The following BLK variants were observed in gnomAD, a reference collection of about 807,000 sequenced individuals.
BLK encodes tyrosine-protein kinase Blk.
Under a neutral mutation model 61.8 loss-of-function variants are expected in BLK, and 64 were observed. The ratio of observed to expected loss-of-function variants is 1.03; its 90% CI spans 0.85 to 1.27. BLK has a LOEUF of 1.27. Ranked by LOEUF, BLK falls within the 50% of genes most tolerant of loss-of-function variation. BLK has a pLI of 0.00. For missense variants in BLK, 853 were observed against 660.5 expected, an observed-to-expected ratio of 1.29 and a Z score of -3.19; for synonymous variants, 351 against 272.0, an observed-to-expected ratio of 1.29 and a Z score of -2.86.
At chr8:11,559,506 AACTC>A (rs367825395) in intron 10 of BLK, among the ~76,000 whole-genome samples, 4 of 121,008 alleles carry the variant, frequency 3.3e-5, no homozygotes, top group Non-Finnish European at 7.9e-5. Context: ...CAAACTCACA[AACTC>A]ACACACACAA....
chr8:11,532,268 G>A (rs944529916), intron 1 of BLK, among the ~76,000 whole-genome samples: 1 of 151,422 alleles, frequency 6.6e-6, no homozygotes, highest in Non-Finnish European at 1.5e-5. Context: ...GTGTGATCTT[G>A]GCTCAAAGCA....
Position 11,543,318 on chromosome 8 carries a change from G to T in BLK, c.94G>T (p.Asp32Tyr). The change falls in exon 2 of 13, where the codon GAC becomes TAC. Residue 32 changes from aspartate (D) to tyrosine (Y), a missense_variant. Physicochemically the swap from Asp to Tyr is radical, Grantham distance 160 (BLOSUM62 -3). Coordinates refer to ENST00000259089, the MANE Select transcript of BLK (RefSeq NM_001715.3). ...QWSPLKVSAQ[D>Y]KDAPPLPPLV... ...GAGCCCCCTGAAGGTCAGCGCCCAA[G>T]ACAAGGACGCCCCGCCACTGCCGCC... 6.2e-7 allele frequency: 1 copy of T among 1,613,160 alleles called. No homozygotes were observed. Among genetic ancestry groups the T allele is most frequent in the Non-Finnish European group, 8.5e-7 (1 of 1,179,994 alleles).
At chr8:11,544,452 A>C (rs1298764614) in intron 2 of BLK, among the ~76,000 whole-genome samples, 1 of 152,124 alleles carries the variant, frequency 6.6e-6, no homozygotes, top group Non-Finnish European at 1.5e-5. Context: ...CCCACTTCCT[A>C]GATGAACCCA....
chr8:11,535,211 GAA>G lies in BLK; in HGVS notation c.-1-8011_-1-8010del, dbSNP rs1289527700. 6.2e-4 allele frequency among the ~76,000 whole-genome samples: 68 copies of G among 109,448 alleles called. 2 individuals carry two copies. The highest frequency in any genetic ancestry group is 5.3e-4 in the Admixed American group (6 of 11,264). 71.8% of individuals were successfully genotyped at this position (109,448 alleles called of 152,430 possible). On this transcript the variant is annotated intron_variant, in intron 1 of 12. Coordinates refer to ENST00000259089, the MANE Select transcript of BLK (RefSeq NM_001715.3). ...AGAAAGAAAGAAGGAAAGAAAGAAA[GAA>G]AGAGAGAGAAAGAAAGAAAAAGAAA...
intron 1 of BLK, among the ~76,000 whole-genome samples, chr8:11,501,760 C>T (rs1798569890): frequency 6.6e-6 from 1 of 152,198 alleles, no homozygotes; most frequent in South Asian, 2.1e-4. Context: ...GGTGTTGGCA[C>T]AAACACTGAA....
chr8:11,520,103 A>G (rs1464753745), intron 1 of BLK, among the ~76,000 whole-genome samples: 2 of 152,230 alleles, frequency 1.3e-5, no homozygotes, highest in African/African-American at 4.8e-5. Context: ...ATACTTCTAT[A>G]AAACAAGCTA....
At chr8:11,528,532 A>G (rs1183120562) in intron 1 of BLK, among the ~76,000 whole-genome samples, 2 of 151,958 alleles carry the variant, frequency 1.3e-5, no homozygotes, top group Admixed American at 6.6e-5. Context: ...GCACCCCTCA[A>G]TCCTGAGGTG....
chr8:11,532,301 C>T (rs552107139), intron 1 of BLK, among the ~76,000 whole-genome samples: 7 of 151,480 alleles, frequency 4.6e-5, no homozygotes, highest in Non-Finnish European at 7.4e-5. Context: ...CAGGCTCAAG[C>T]AATTCTCCTG....
intron 1 of BLK, among the ~76,000 whole-genome samples, chr8:11,534,956 T>C (rs1179145332): frequency 2.0e-5 from 3 of 152,152 alleles, no homozygotes; most frequent in African/African-American, 7.2e-5. Flanking sequence ...GGAGGATTGC[T>C]TGAGTCCAGG....
intron 1 of BLK, chr8:11,509,050 T>C (rs1798892286): frequency 6.6e-6 from 1 of 152,222 alleles, no homozygotes; most frequent in African/African-American, 2.4e-5. Context: ...GGCACTGCTA[T>C]TACTTAGGAG....
At chr8:11,529,564 A>G (rs1021003552) in intron 1 of BLK, among the ~76,000 whole-genome samples, 1 of 152,198 alleles carries the variant, frequency 6.6e-6, no homozygotes, top group Non-Finnish European at 1.5e-5. Context: ...GGAGATCAGA[A>G]TCTTGTAGCC....
At chr8:11,553,754 C>T (rs1211227142) in intron 6 of BLK, among the ~76,000 whole-genome samples, 1 of 152,114 alleles carries the variant, frequency 6.6e-6, no homozygotes, top group Non-Finnish European at 1.5e-5. Context: ...ATGGCGTACG[C>T]CTCTGGGTGT....
rs954818860 is a variant in BLK at position 11,550,178 on chromosome 8, G to T, written c.388G>T (p.Gly130Cys). The T allele has an allele frequency of 1.9e-6, 3 of 1,614,156 alleles. No individual in the cohort carries two copies. Among genetic ancestry groups the T allele is most frequent in the East Asian group, 4.5e-5 (2 of 44,888 alleles). ...EMERWFFRSQ[G>C]RKEAERQLLA... is the part of the protein sequence containing the mutation. ...TTCCAGGTGGTTCTTTAGATCACAGGGTCGGAAGGAGGCTGAGAGGCAGCT... is the reference window on the plus strand; with the variant it reads ...TTCCAGGTGGTTCTTTAGATCACAGTGTCGGAAGGAGGCTGAGAGGCAGCT... Residue 130 changes from glycine (G) to cysteine (C), a missense_variant, in exon 6 of 13, where the codon GGT becomes TGT. Gly to Cys is a radical substitution (Grantham distance 159, BLOSUM62 -3). Coordinates refer to ENST00000259089, the MANE Select transcript of BLK (RefSeq NM_001715.3).
At chr8:11,516,910 C>T (rs1799252118) in intron 1 of BLK, among the ~76,000 whole-genome samples, 1 of 152,190 alleles carries the variant, frequency 6.6e-6, no homozygotes, top group Non-Finnish European at 1.5e-5. Flanking sequence ...TGCTCAAGTC[C>T]CTGCTTTCTG....
chr8:11,563,092 G>A lies in BLK; in HGVS notation c.1294G>A (p.Gly432Arg), dbSNP rs187992701. 5.6e-6 allele frequency: 9 copies of A among 1,613,948 alleles called. No homozygotes were observed. The highest frequency in any genetic ancestry group is 5.0e-5 in the Admixed American group (3 of 60,026). ...CCTCCTGATGGAAGTTGTCACTTATGGGCGGGTGCCATACCCAGGTAGGTG... is the reference window on the plus strand; with the variant it reads ...CCTCCTGATGGAAGTTGTCACTTATAGGCGGGTGCCATACCCAGGTAGGTG... ...GVLLMEVVTY[G>R]RVPYPGMSNP... is the part of the protein sequence containing the mutation. Residue 432 changes from glycine (G) to arginine (R), a missense_variant, in exon 12 of 13, where the codon GGG (glycine) becomes AGG (arginine). Gly to Arg is a moderately radical substitution (Grantham distance 125, BLOSUM62 -2). Coordinates refer to ENST00000259089, the MANE Select transcript of BLK (RefSeq NM_001715.3).
chr8:11,538,598 A>G (rs1585380178), intron 1 of BLK, among the ~76,000 whole-genome samples: 1 of 152,378 alleles, frequency 6.6e-6, no homozygotes, highest in East Asian at 1.9e-4. Context: ...GTCTCAGTGG[A>G]CACAGGTGTT....
chr8:11,535,324 G>GAAAGAAAGAA lies in BLK; in HGVS notation c.-1-7899_-1-7898insAAGAAAGAAA, dbSNP rs1554448025. Among the ~76,000 whole-genome samples the GAAAGAAAGAA allele has an allele frequency of 1.9e-4, 22 of 113,354 alleles. 1 individual carries two copies. The highest frequency in any genetic ancestry group is 3.5e-4 in the South Asian group (1 of 2,868). The allele number at this position is 113,354 out of a possible 152,430, so 74.4% of individuals were successfully genotyped here. A position where few individuals can be genotyped will look rare whatever the true frequency, so the allele number is the denominator to read the frequency against. On this transcript the variant is annotated intron_variant, in intron 1 of 12. Transcript: ENST00000259089. ...AGAAAGAAAGAAAGAAAGAAAGAAA[G>GAAAGAAAGAA]AGAAGGAAAAGGGAAGGGAAGGAAG...
chr8:11,506,872 C>G (rs1045407907), intron 1 of BLK, among the ~76,000 whole-genome samples: 11 of 152,204 alleles, frequency 7.2e-5, no homozygotes, highest in Non-Finnish European at 1.3e-4. Flanking sequence ...CGCGGTTGCC[C>G]AAACTGACTC....
At chr8:11,525,481 G>A (rs1585356356) in intron 1 of BLK, among the ~76,000 whole-genome samples, 2 of 5,636 alleles carry the variant, frequency 3.5e-4, no homozygotes, top group East Asian at 4.6e-3. Context: ...AAAACATTCT[G>A]CAATTTACTC....
Sources: gnomAD v4.1 joint callset for allele counts (sites outside exome capture counted in the v4.1 genomes callset) on GRCh38, gnomAD v4.1.1 for gene constraint, MANE v1.5 for transcripts, NCBI Gene and HGNC (gene_info 2026-07-23, HGNC 2026-07-21) for gene names.